Variants in SCAND3 observed in about 807,000 individuals in gnomAD.
SCAND3 encodes the protein SCAN domain-containing protein 3.
the SCAND3 span, chr6:28,575,460 C>T: frequency 5.0e-5 from 80 of 1,613,568 alleles, no homozygotes; most frequent in Middle Eastern, 1.6e-4. This position sits in a 1 kb window ranked among gnomAD's most constrained non-coding sequence, Gnocchi z 4.2. Context: ...GTGCAACTTC[C>T]GTAGGCCTTT....
At chr6:28,586,314 T>C in the SCAND3 span, 1 of 1,607,296 alleles carries the variant, frequency 6.2e-7, no homozygotes, top group Non-Finnish European at 8.5e-7. This position sits in a 1 kb window ranked among gnomAD's most constrained non-coding sequence, Gnocchi z 4.4. Flanking sequence ...TCTAGGTTCA[T>C]CAAGCTCCCT....
chr6:28,586,465 T>A, the SCAND3 span: 3 of 1,614,222 alleles, frequency 1.9e-6, no homozygotes, highest in Non-Finnish European at 2.5e-6. This position sits in a 1 kb window ranked among gnomAD's most constrained non-coding sequence, Gnocchi z 4.4. Context: ...TTGGTATGTA[T>A]CTCTGGGTTC....
chr6:28,604,452 T>C, the SCAND3 span, among the ~76,000 whole-genome samples: 49 of 151,816 alleles, frequency 3.2e-4, no homozygotes, highest in South Asian at 6.7e-3. Flanking sequence ...CCCGTCTCTA[T>C]TAAAAATACA....
the SCAND3 span, among the ~76,000 whole-genome samples, chr6:28,615,118 T>C: frequency 6.6e-4 from 100 of 152,296 alleles, 1 homozygote; most frequent in Admixed American, 3.0e-3. Context: ...GTAAGCACAC[T>C]GGTGGCATAG....
chr6:28,576,977 C>T, the SCAND3 span, among the ~76,000 whole-genome samples: 1 of 151,920 alleles, frequency 6.6e-6, no homozygotes, highest in African/African-American at 2.4e-5. Flanking sequence ...CTCCACACTA[C>T]ACATTTTCTC....
chr6:28,598,725 A>G, the SCAND3 span, among the ~76,000 whole-genome samples: 1 of 149,874 alleles, frequency 6.7e-6, no homozygotes, highest in African/African-American at 2.5e-5. Context: ...AAATAAAATA[A>G]AATTAGCTGA....
At chr6:28,595,648 G>T in the SCAND3 span, among the ~76,000 whole-genome samples, 1 of 152,000 alleles carries the variant, frequency 6.6e-6, no homozygotes, top group Non-Finnish European at 1.5e-5. Flanking sequence ...CATGAACCCA[G>T]GAGGTGGAGG....
chr6:28,598,357 G>A, the SCAND3 span, among the ~76,000 whole-genome samples: 2 of 152,112 alleles, frequency 1.3e-5, no homozygotes, highest in African/African-American at 4.8e-5. Flanking sequence ...CCCAAATGCT[G>A]GGGTGTTTTT....
At chr6:28,574,327 T>C in the SCAND3 span, among the ~76,000 whole-genome samples, 8,901 of 152,236 alleles carry the variant, frequency 0.058, 567 homozygotes, top group African/African-American at 0.16. Flanking sequence ...TTTCAAAACA[T>C]TAACCCTACT....
chr6:28,586,681 C>T, the SCAND3 span: 1 of 1,613,960 alleles, frequency 6.2e-7, no homozygotes, highest in Non-Finnish European at 8.5e-7. The surrounding 1 kb of genome is among the most constrained non-coding windows in gnomAD (Gnocchi z 4.4). Flanking sequence ...GGAGCCTGGC[C>T]AGCCAAGGCT....
the SCAND3 span, chr6:28,571,921 A>C: frequency 1.2e-6 from 2 of 1,612,950 alleles, no homozygotes; most frequent in South Asian, 2.2e-5. Context: ...TTAATGTGAT[A>C]AGTGAGCTTG....
the SCAND3 span, chr6:28,586,440 T>C: frequency 6.2e-7 from 1 of 1,614,142 alleles, no homozygotes; most frequent in Non-Finnish European, 8.5e-7. This position sits in a 1 kb window ranked among gnomAD's most constrained non-coding sequence, Gnocchi z 4.4. Context: ...CACCAACAAT[T>C]CCAGGATCTG....
At chr6:28,570,970 C>A in the SCAND3 span, 1 of 152,122 alleles carries the variant, frequency 6.6e-6, no homozygotes, top group Non-Finnish European at 1.5e-5. Context: ...AATCTAGAAA[C>A]CACCTAACAT....
At chr6:28,576,048 T>C in the SCAND3 span, 1 of 1,613,810 alleles carries the variant, frequency 6.2e-7, no homozygotes, top group Non-Finnish European at 8.5e-7. Flanking sequence ...TCATGTTTTC[T>C]GGTTCAATTT....
chr6:28,613,065 AAT>A, the SCAND3 span, among the ~76,000 whole-genome samples: 1,126 of 152,324 alleles, frequency 7.4e-3, 9 homozygotes, highest in Admixed American at 0.013. Context: ...TATAAAATTT[AAT>A]ATATAGAGAC....
At chr6:28,577,290 A>G in the SCAND3 span, among the ~76,000 whole-genome samples, 1 of 152,264 alleles carries the variant, frequency 6.6e-6, no homozygotes, top group Non-Finnish European at 1.5e-5. Context: ...ATTTGGAATT[A>G]GCATAACATC....
At chr6:28,589,321 T>C in the SCAND3 span, 1 of 152,168 alleles carries the variant, frequency 6.6e-6, no homozygotes, top group African/African-American at 2.4e-5. Context: ...AACTAGAAAG[T>C]TTATTATCAA....
At chr6:28,615,380 G>A in the SCAND3 span, among the ~76,000 whole-genome samples, 2 of 152,136 alleles carry the variant, frequency 1.3e-5, no homozygotes, top group Non-Finnish European at 2.9e-5. Flanking sequence ...TTGAGAGGCC[G>A]AGGTGGGCGG....
At chr6:28,595,353 A>G in the SCAND3 span, among the ~76,000 whole-genome samples, 7 of 144,756 alleles carry the variant, frequency 4.8e-5, no homozygotes, top group Non-Finnish European at 7.7e-5. Context: ...AAAAAAAAAA[A>G]AAGAAGAAGA....
Sources: allele counts gnomAD v4.1 joint callset (sites outside exome capture counted in the v4.1 genomes callset), GRCh38; gene constraint gnomAD v4.1.1; non-coding constraint Gnocchi (gnomAD v3.1); transcripts MANE v1.5; gene names NCBI Gene and HGNC (gene_info 2026-07-23, HGNC 2026-07-21).